Variants in LMNTD1 observed in about 807,000 individuals in gnomAD.
LMNTD1 encodes the protein lamin tail domain containing 1, also known as lamin tail domain-containing protein 1.
A neutral mutation model predicts 50.9 loss-of-function variants in LMNTD1; 35 were observed. That is an observed-to-expected ratio of 0.69 (90% CI 0.53 to 0.91). LMNTD1 has a LOEUF of 0.91. Ranked by LOEUF, LMNTD1 falls within the 40% of genes least tolerant of loss-of-function variation. The pLI, the probability that LMNTD1 is intolerant of heterozygous loss-of-function variation, is 0.00. For synonymous variants in LMNTD1, 153 were observed against 161.9 expected (o/e 0.94, Z 0.42); for missense variants, 470 against 475.5 (o/e 0.99, Z 0.11).
intron 1 of LMNTD1, among the ~76,000 whole-genome samples, chr12:25,565,733 T>C (rs1200567018): frequency 6.6e-6 from 1 of 152,222 alleles, no homozygotes; most frequent in Non-Finnish European, 1.5e-5. Context: ...CCTTTTTCTT[T>C]CTGATTGAAG....
chr12:25,606,683 CA>C (rs1323798853), intron 1 of LMNTD1, among the ~76,000 whole-genome samples: 7 of 151,964 alleles, frequency 4.6e-5, no homozygotes, highest in Admixed American at 1.3e-4. Flanking sequence ...GAATGAAGCC[CA>C]CTTGATCATG....
At chr12:25,627,138 G>A (rs1338393756) in intron 1 of LMNTD1, among the ~76,000 whole-genome samples, 1 of 152,168 alleles carries the variant, frequency 6.6e-6, no homozygotes. Context: ...AGAGGGTTAG[G>A]TCAAATCTGG....
chr12:25,596,051 T>C (rs898394193), intron 1 of LMNTD1, among the ~76,000 whole-genome samples: 1 of 151,968 alleles, frequency 6.6e-6, no homozygotes, highest in Non-Finnish European at 1.5e-5. Flanking sequence ...AAGAATTAGA[T>C]ACCCTGAACA....
At chr12:25,548,828 C>T (rs1288594299) in intron 3 of LMNTD1, among the ~76,000 whole-genome samples, 1 of 151,966 alleles carries the variant, frequency 6.6e-6, no homozygotes, top group Non-Finnish European at 1.5e-5. Flanking sequence ...TCCTCTCCTT[C>T]AAGTTCTCTT....
intron 8 of LMNTD1, among the ~76,000 whole-genome samples, chr12:25,510,768 A>C (rs1018787906): frequency 6.6e-6 from 1 of 152,146 alleles, no homozygotes; most frequent in African/African-American, 2.4e-5. Context: ...TCATTTAAAA[A>C]TCTTCGGTGT....
chr12:25,609,881 T>A (rs919327460), intron 1 of LMNTD1, among the ~76,000 whole-genome samples: 2 of 152,204 alleles, frequency 1.3e-5, no homozygotes, highest in African/African-American at 4.8e-5. Flanking sequence ...TTCAGAGCTG[T>A]CAGACAGGGA....
rs144529575 is a variant in LMNTD1 at position 25,588,675 on chromosome 12, A to G, written c.59-42121T>C. On this transcript the variant is annotated intron_variant, in intron 1 of 7. Coordinates refer to the LMNTD1 transcript ENST00000445693. ...AAACGTGGGGTTTCTGAGGTCCTGG[A>G]AATATTTATTTCTTGTCTTAGGTTG... Among the ~76,000 whole-genome samples, 55 of 152,264 alleles carry G rather than the reference A, an allele frequency of 3.6e-4. 1 individual carries two copies. In the East Asian group the frequency reaches 9.3e-3, roughly 26 times the overall value.
At chr12:25,539,895 C>T (rs1942927480) in intron 4 of LMNTD1, among the ~76,000 whole-genome samples, 1 of 151,618 alleles carries the variant, frequency 6.6e-6, no homozygotes, top group Non-Finnish European at 1.5e-5. Context: ...AAGGGGATAT[C>T]ACCACCGATC....
At chr12:25,632,167 A>G (rs531417803) in intron 1 of LMNTD1, among the ~76,000 whole-genome samples, 21 of 152,242 alleles carry the variant, frequency 1.4e-4, no homozygotes, top group Non-Finnish European at 2.5e-4. Flanking sequence ...AAATGACCAA[A>G]CCTAAGAATA....
At chr12:25,553,722 G>T (rs1427605997), upstream of LMNTD1, among the ~76,000 whole-genome samples, 2 of 152,088 alleles carry the variant, frequency 1.3e-5, no homozygotes, top group African/African-American at 4.8e-5. Context: ...TGATTTAGAA[G>T]AAATCACTTA....
At chr12:25,642,002 G>T (rs548803205) in intron 1 of LMNTD1, among the ~76,000 whole-genome samples, 4 of 152,158 alleles carry the variant, frequency 2.6e-5, no homozygotes, top group African/African-American at 9.6e-5. Context: ...ACTCAATTCA[G>T]CAACCCAAGA....
chr12:25,606,222 G>A (rs1447763852), intron 1 of LMNTD1, among the ~76,000 whole-genome samples: 1 of 152,192 alleles, frequency 6.6e-6, no homozygotes, highest in Non-Finnish European at 1.5e-5. Context: ...ATCAGCTTAA[G>A]GAGATTTTGG....
chr12:25,559,174 T>C (rs900353482), intron 1 of LMNTD1, among the ~76,000 whole-genome samples: 12 of 152,076 alleles, frequency 7.9e-5, no homozygotes, highest in Non-Finnish European at 1.8e-4. Flanking sequence ...TAGGTATATC[T>C]CCTAATGCTA....
chr12:25,515,233 T>G (rs1246325517), intron 8 of LMNTD1, among the ~76,000 whole-genome samples: 1 of 151,976 alleles, frequency 6.6e-6, no homozygotes, highest in Non-Finnish European at 1.5e-5. Context: ...TAAAAATTTT[T>G]TCATCTATAT....
At chr12:25,537,197 T>A (rs4290329) in intron 4 of LMNTD1, among the ~76,000 whole-genome samples, 12 of 151,982 alleles carry the variant, frequency 7.9e-5, no homozygotes, top group Admixed American at 3.3e-4. Flanking sequence ...CAAAGCAGCC[T>A]GGAAGCTCGA....
rs555197514 is a variant in LMNTD1, at chr12:25,582,238, A to G, written c.59-35684T>C. On this transcript the variant is annotated intron_variant, in intron 1 of 7. Transcript: ENST00000445693. ...TTCACTTCCAAGTACTGTCTGCTTC[A>G]CATTTTCTACAGCCACAAATAACCC... is the stretch of plus-strand genomic sequence containing the variant. 3.9e-4 allele frequency among the ~76,000 whole-genome samples: 60 copies of G among 152,358 alleles called. 2 individuals carry two copies. The South Asian group carries it at 0.012, about 31-fold the overall frequency.
chr12:25,489,261 T>C (rs1219753936), intron 9 of LMNTD1, among the ~76,000 whole-genome samples: 1 of 150,638 alleles, frequency 6.6e-6, no homozygotes, highest in Non-Finnish European at 1.5e-5. Context: ...CTCAGACTGC[T>C]GTGCTAGCAA....
intron 1 of LMNTD1, among the ~76,000 whole-genome samples, chr12:25,566,631 C>T (rs949231731): frequency 5.9e-5 from 9 of 152,178 alleles, no homozygotes; most frequent in Non-Finnish European, 1.3e-4. Flanking sequence ...TTGAGCCCAA[C>T]GAACACCAGT....
chr12:25,494,889 T>C (rs750651783), intron 9 of LMNTD1, among the ~76,000 whole-genome samples: 37 of 152,206 alleles, frequency 2.4e-4, no homozygotes, highest in Non-Finnish European at 3.5e-4. Context: ...AACTTTCAAG[T>C]ATACAATACA....
Sources: allele counts gnomAD v4.1 joint callset (sites outside exome capture counted in the v4.1 genomes callset), GRCh38; gene constraint gnomAD v4.1.1; transcripts MANE v1.5; gene names NCBI Gene and HGNC (gene_info 2026-07-23, HGNC 2026-07-21).